TNFRSF19: variants seen among roughly 807,000 people sequenced by gnomAD.
The protein encoded by TNFRSF19 is tumor necrosis factor receptor superfamily member 19.
In TNFRSF19, 27 loss-of-function variants were observed where a neutral mutation model predicts 46.4. That is an observed-to-expected ratio of 0.58 (90% CI 0.43 to 0.80). The LOEUF (loss-of-function observed/expected upper bound fraction) is 0.80. TNFRSF19 is among the 30% of genes least tolerant of loss of function. The probability of loss-of-function intolerance (pLI) is 0.00; values close to 1 mark genes in which losing one functional copy is unlikely to be tolerated. For missense variants in TNFRSF19, 511 were observed against 530.8 expected (o/e 0.96, Z 0.37); for synonymous variants, 204 against 205.0 (o/e 1.00, Z 0.04).
chr13:23,663,594 C>T (rs1222054513), intron 7 of TNFRSF19, among the ~76,000 whole-genome samples: 1 of 152,118 alleles, frequency 6.6e-6, no homozygotes, highest in Non-Finnish European at 1.5e-5. Context: ...GGTACCAGCT[C>T]TTCTTTGTCA....
At chr13:23,641,620 C>T (rs780654726) in intron 5 of TNFRSF19, among the ~76,000 whole-genome samples, 4 of 152,172 alleles carry the variant, frequency 2.6e-5, no homozygotes, top group Non-Finnish European at 5.9e-5. Flanking sequence ...CGTGAGCCAC[C>T]GTGCCTGGCC....
chr13:23,608,646 T>C (rs1237649223), intron 3 of TNFRSF19, among the ~76,000 whole-genome samples: 1 of 152,218 alleles, frequency 6.6e-6, no homozygotes, highest in Non-Finnish European at 1.5e-5. Context: ...CTATCCAGTA[T>C]ACGAGCAACT....
intron 7 of TNFRSF19, among the ~76,000 whole-genome samples, chr13:23,662,901 T>C (rs951693376): frequency 6.6e-6 from 1 of 152,214 alleles, no homozygotes. Context: ...GTTTATCAGC[T>C]GAAGAAGCTT....
At chr13:23,604,253 A>G (rs905909984) in intron 3 of TNFRSF19, among the ~76,000 whole-genome samples, 11 of 141,176 alleles carry the variant, frequency 7.8e-5, no homozygotes, top group Non-Finnish European at 1.5e-4. Context: ...TATAATTTAT[A>G]TTAGCACCCC....
In TNFRSF19 at chr13:23,653,680, G is replaced by A. The variant is rs191700002; in HGVS notation, c.446-5370G>A. On this transcript the variant is annotated intron_variant, in intron 5 of 9. Transcript: ENST00000248484. ...GGGATTTGCTTGTAGTTGGGGGCAC[G>A]TGCTTTGGACATGGTGAGTTGAGAT... Among the ~76,000 whole-genome samples the A allele has an allele frequency of 2.9e-4, 44 of 152,294 alleles. No homozygotes were observed. In the East Asian group the frequency reaches 3.5e-3, roughly 12 times the overall value.
intron 3 of TNFRSF19, among the ~76,000 whole-genome samples, chr13:23,613,326 CAG>C (rs1881032333): frequency 6.6e-6 from 1 of 152,342 alleles, no homozygotes; most frequent in African/African-American, 2.4e-5. Context: ...CCCCATCTCA[CAG>C]ATGAAGAGAC....
chr13:23,628,210 C>T (rs1882129516), intron 5 of TNFRSF19, among the ~76,000 whole-genome samples: 1 of 152,184 alleles, frequency 6.6e-6, no homozygotes, highest in East Asian at 1.9e-4. Context: ...TCTACCACAA[C>T]GTACTGTCTC....
chr13:23,668,457 T>C (rs56685534), intron 8 of TNFRSF19, among the ~76,000 whole-genome samples: 2,698 of 152,324 alleles, frequency 0.018, 83 homozygotes, highest in African/African-American at 0.062. Context: ...TTTTAGACAT[T>C]GGATTAAGTA....
chr13:23,593,261 A>C, intron 2 of TNFRSF19, 84 bp from the exon 3 acceptor site: 1 of 713,914 alleles, frequency 1.4e-6, no homozygotes. Flanking sequence ...TTGTGTGACT[A>C]ATATTGAAAA....
rs542962288 is a variant in TNFRSF19 at position 23,656,430 on chromosome 13, A to G, written c.446-2620A>G. Reference sequence around the variant, plus strand: ...TTATATTAAGGAAAATAAGTTGACGAATGTATTATAGAAGGATTTTAAACA... The same window carrying G: ...TTATATTAAGGAAAATAAGTTGACGGATGTATTATAGAAGGATTTTAAACA... On this transcript the variant is annotated intron_variant, in intron 5 of 9. Coordinates refer to ENST00000248484, the MANE Select transcript of TNFRSF19 (RefSeq NM_148957.4). Among the ~76,000 whole-genome samples, 12 of 152,304 alleles carry G rather than the reference A, an allele frequency of 7.9e-5. No individual in the cohort carries two copies. The South Asian group carries it at 1.9e-3, about 24-fold the overall frequency.
intron 1 of TNFRSF19, among the ~76,000 whole-genome samples, chr13:23,579,189 G>A (rs1037796584): frequency 6.6e-6 from 1 of 152,240 alleles, no homozygotes; most frequent in Non-Finnish European, 1.5e-5. Flanking sequence ...GCCGCGGAGT[G>A]GGGGCCTCCA....
intron 3 of TNFRSF19, among the ~76,000 whole-genome samples, chr13:23,596,439 G>T (rs2138197382): frequency 6.6e-6 from 1 of 152,246 alleles, no homozygotes; most frequent in East Asian, 1.9e-4. Context: ...AAAAGCAGGG[G>T]TTGCAATCCT....
intron 3 of TNFRSF19, among the ~76,000 whole-genome samples, chr13:23,611,152 T>A (rs111268117): frequency 0.2 from 24,878 of 121,446 alleles, 2,766 homozygotes; most frequent in African/African-American, 0.37. Flanking sequence ...ACACACACAC[T>A]CCTTCTCTTG....
chr13:23,639,230 T>TA (rs1380686926), intron 5 of TNFRSF19, among the ~76,000 whole-genome samples: 5 of 151,936 alleles, frequency 3.3e-5, no homozygotes, highest in Non-Finnish European at 7.4e-5. Context: ...CTATCTCTAC[T>TA]AAAAATACAA....
At chr13:23,621,937 C>T (rs1316277761) in intron 4 of TNFRSF19, among the ~76,000 whole-genome samples, 3 of 151,846 alleles carry the variant, frequency 2.0e-5, no homozygotes, top group Admixed American at 6.6e-5. Context: ...GGTGACAGAG[C>T]GAGACTGTCT....
At chr13:23,657,461 A>G (rs548627773) in intron 5 of TNFRSF19, among the ~76,000 whole-genome samples, 1 of 152,312 alleles carries the variant, frequency 6.6e-6, no homozygotes, top group East Asian at 1.9e-4. Flanking sequence ...AGTGTCCATT[A>G]TGATAGCCAT....
rs539329416 is a variant in TNFRSF19, at chr13:23,675,023, G to A, written c.*1643G>A. ...AGAATGTTTCATTGTAGCCCCAAGC[G>A]GTCATGTCAACCTAGTGCCTAGTCA... On this transcript the variant is annotated 3_prime_UTR_variant, in exon 10 of 10. Coordinates refer to ENST00000248484, the MANE Select transcript of TNFRSF19 (RefSeq NM_148957.4). The A allele has an allele frequency of 2.6e-5, 4 of 152,148 alleles. No individual in the cohort carries two copies. The highest frequency in any genetic ancestry group is 1.9e-4 in the East Asian group (1 of 5,178). The allele number at this position is 152,148 out of a possible 1,614,324, so 9.4% of individuals were successfully genotyped here. A position where few individuals can be genotyped will look rare whatever the true frequency, so the allele number is the denominator to read the frequency against.
intron 1 of TNFRSF19, among the ~76,000 whole-genome samples, chr13:23,582,355 C>G (rs888250057): frequency 6.6e-6 from 1 of 151,404 alleles, no homozygotes; most frequent in African/African-American, 2.4e-5. Flanking sequence ...GAGCTGAGAT[C>G]GTGCCACTGC....
intron 5 of TNFRSF19, among the ~76,000 whole-genome samples, chr13:23,644,831 GTA>G (rs10615843): frequency 0.99 from 150,509 of 151,604 alleles, 74,722 homozygotes; most frequent in Middle Eastern, 1. Context: ...GCCCCTGTGT[GTA>G]TATATATATA....
Sources: allele counts gnomAD v4.1 joint callset (sites outside exome capture counted in the v4.1 genomes callset), GRCh38; gene constraint gnomAD v4.1.1; transcripts MANE v1.5; gene names NCBI Gene and HGNC (gene_info 2026-07-23, HGNC 2026-07-21).